NEK10: variants seen among roughly 807,000 people sequenced by gnomAD.
NEK10 encodes NIMA related kinase 10, also known as serine/threonine-protein kinase Nek10.
NEK10 carries 122 observed loss-of-function variants against 159.8 expected under a neutral mutation model. That is an observed-to-expected ratio of 0.76 (90% CI 0.66 to 0.89). NEK10 has a LOEUF of 0.89. Among genes scored for constraint, NEK10 ranks in the 40% least tolerant of loss-of-function variants. NEK10 has a pLI of 0.00. For missense variants in NEK10, 1,342 were observed against 1,323.1 expected (o/e 1.01, Z -0.22); for synonymous variants, 466 against 457.1 (o/e 1.02, Z -0.25).
intron 26 of NEK10, among the ~76,000 whole-genome samples, chr3:27,178,969 T>C (rs1236485711): frequency 6.6e-6 from 1 of 152,208 alleles, no homozygotes; most frequent in Non-Finnish European, 1.5e-5. Flanking sequence ...GTTCTCACTA[T>C]GTTGCCCAGG....
chr3:27,152,019 T>A (rs1944930817), intron 30 of NEK10, among the ~76,000 whole-genome samples: 1 of 152,140 alleles, frequency 6.6e-6, no homozygotes, highest in African/African-American at 2.4e-5. Context: ...ATACCAAGAA[T>A]AATTGGTATT....
intron 30 of NEK10, among the ~76,000 whole-genome samples, chr3:27,151,008 C>G (rs1233162734): frequency 6.6e-6 from 1 of 152,132 alleles, no homozygotes; most frequent in African/African-American, 2.4e-5. Flanking sequence ...AAGATCTGCC[C>G]AAGGAGAGTC....
At chr3:27,335,542 A>G (rs2046741271) in intron 5 of NEK10, among the ~76,000 whole-genome samples, 1 of 152,154 alleles carries the variant, frequency 6.6e-6, no homozygotes, top group Non-Finnish European at 1.5e-5. Flanking sequence ...TTATCCAACA[A>G]CTCAACAACT....
chr3:27,328,013 C>G (rs1366744737), intron 5 of NEK10, among the ~76,000 whole-genome samples: 2 of 151,656 alleles, frequency 1.3e-5, no homozygotes, highest in East Asian at 3.9e-4. Flanking sequence ...ACTTATTTTG[C>G]TATTCTTAAC....
intron 22 of NEK10, among the ~76,000 whole-genome samples, chr3:27,272,709 T>C (rs182653775): frequency 6.6e-5 from 10 of 152,296 alleles, no homozygotes; most frequent in Admixed American, 3.3e-4. Flanking sequence ...TTCTAGGTGC[T>C]GAACCAGGTA....
chr3:27,271,153 A>T (rs758708585), intron 22 of NEK10, among the ~76,000 whole-genome samples: 8 of 22,424 alleles, frequency 3.6e-4, no homozygotes, highest in South Asian at 1.8e-3. Context: ...TCTATCTTCT[A>T]TCTATCTATC....
chr3:27,132,483 G>A (rs1397020885), intron 31 of NEK10, among the ~76,000 whole-genome samples: 1 of 152,156 alleles, frequency 6.6e-6, no homozygotes, highest in Non-Finnish European at 1.5e-5. Flanking sequence ...AAATTCAGCT[G>A]CAGAGAGGTC....
chr3:27,255,764 T>A (rs1038165952), intron 23 of NEK10, among the ~76,000 whole-genome samples: 2 of 152,216 alleles, frequency 1.3e-5, no homozygotes, highest in African/African-American at 4.8e-5. Flanking sequence ...AGCAATTTAC[T>A]TTGTAAACAT....
At chr3:27,185,846 A>G (rs1190112472) in intron 26 of NEK10, among the ~76,000 whole-genome samples, 4 of 152,214 alleles carry the variant, frequency 2.6e-5, no homozygotes, top group Non-Finnish European at 5.9e-5. Context: ...AAGTAAGGAA[A>G]AAACTAGAGA....
chr3:27,170,730 T>C (rs541991567), intron 29 of NEK10, among the ~76,000 whole-genome samples: 3 of 152,004 alleles, frequency 2.0e-5, no homozygotes, highest in East Asian at 1.9e-4. Flanking sequence ...ATCTCAACAA[T>C]AATAATAATA....
At chr3:27,304,417 G>C (rs2149553575) in intron 12 of NEK10, among the ~76,000 whole-genome samples, 1 of 152,210 alleles carries the variant, frequency 6.6e-6, no homozygotes, top group East Asian at 1.9e-4. Flanking sequence ...AAGGTGGCAA[G>C]ACAAAGGTTT....
chr3:27,265,462 C>A (rs969500217), intron 22 of NEK10: 1 of 152,190 alleles, frequency 6.6e-6, no homozygotes, highest in Non-Finnish European at 1.5e-5. Context: ...TTTGTTTAAT[C>A]AGCCATTCTA....
At chr3:27,348,046 T>A (rs1340732185) in intron 3 of NEK10, among the ~76,000 whole-genome samples, 1 of 152,204 alleles carries the variant, frequency 6.6e-6, no homozygotes, top group African/African-American at 2.4e-5. Flanking sequence ...ATTATACAGA[T>A]GAATTTTGCT....
chr3:27,190,922 C>CCTTTACAT (rs1949053957), intron 26 of NEK10, among the ~76,000 whole-genome samples: 1 of 152,110 alleles, frequency 6.6e-6, no homozygotes, highest in South Asian at 2.1e-4. Context: ...GTTATATGCT[C>CCTTTACAT]CTTTACATAA....
chr3:27,287,782 T>A lies in NEK10; in HGVS notation c.1744-39A>T, dbSNP rs148990435. 1,307 of 1,486,034 alleles carry A rather than the reference T, an allele frequency of 8.8e-4. 2 individuals are homozygous for A. In the African/African-American group the frequency reaches 0.015, roughly 17 times the overall value. The allele number at this position is 1,486,034 out of a possible 1,614,324, so 92.1% of individuals were successfully genotyped here. ...AATAACAAACATGTATTGCACTGCT[T>A]CAAAATACAAGTTTTTTCACTGACT... On this transcript the variant is annotated intron_variant, in intron 19 of 35. Transcript: ENST00000691995.
chr3:27,287,154 A>T (rs2042679748), intron 20 of NEK10, among the ~76,000 whole-genome samples: 1 of 151,486 alleles, frequency 6.6e-6, no homozygotes, highest in Non-Finnish European at 1.5e-5. Context: ...AAAAAAAAAA[A>T]AGAGTGGCTG....
intron 22 of NEK10, among the ~76,000 whole-genome samples, chr3:27,281,005 A>G (rs1357576206): frequency 2.0e-5 from 3 of 151,904 alleles, no homozygotes; most frequent in Non-Finnish European, 4.4e-5. Context: ...CTAAAGAAAA[A>G]AAAGTCTATA....
At chr3:27,201,029 TA>T (rs1213058012) in intron 25 of NEK10, among the ~76,000 whole-genome samples, 3 of 152,182 alleles carry the variant, frequency 2.0e-5, no homozygotes, top group African/African-American at 7.2e-5. Context: ...ACTCCTGCTA[TA>T]GTGATAGCTG....
intron 22 of NEK10, among the ~76,000 whole-genome samples, chr3:27,274,523 T>A (rs1292198738): frequency 6.6e-6 from 1 of 152,054 alleles, no homozygotes; most frequent in Admixed American, 6.6e-5. Flanking sequence ...GGTTATTCAG[T>A]TGGAATAATG....
Sources: gnomAD v4.1 joint callset for allele counts (sites outside exome capture counted in the v4.1 genomes callset) on GRCh38, gnomAD v4.1.1 for gene constraint, MANE v1.5 for transcripts, NCBI Gene and HGNC (gene_info 2026-07-23, HGNC 2026-07-21) for gene names.